Variants in FGF14 observed in about 807,000 individuals in gnomAD.
FGF14 encodes the protein fibroblast growth factor homologous factor 4.
In FGF14, 5 loss-of-function variants were observed where a neutral mutation model predicts 25.5. That is an observed-to-expected ratio of 0.20 (90% CI 0.10 to 0.41). FGF14 has a LOEUF of 0.41. FGF14 is among the 10% of genes least tolerant of loss of function. FGF14 has a pLI of 1.00. For missense variants in FGF14, 222 were observed against 320.1 expected (o/e 0.69, Z 2.34); for synonymous variants, 138 against 118.3 (o/e 1.17, Z -1.08).
chr13:102,253,651 C>T (rs568621675), intron 1 of FGF14, among the ~76,000 whole-genome samples: 3 of 152,204 alleles, frequency 2.0e-5, no homozygotes, highest in African/African-American at 7.2e-5. Flanking sequence ...TTTTGCTGTG[C>T]AGAAGCTCTT....
chr13:102,021,633 C>A (rs1304549628), intron 1 of FGF14, among the ~76,000 whole-genome samples: 1 of 151,950 alleles, frequency 6.6e-6, no homozygotes, highest in Non-Finnish European at 1.5e-5. Context: ...CTGGTTTGCT[C>A]TGGACCAAGC....
intron 1 of FGF14, among the ~76,000 whole-genome samples, chr13:101,935,788 C>G (rs1307647582): frequency 6.6e-6 from 1 of 152,184 alleles, no homozygotes; most frequent in Admixed American, 6.5e-5. Context: ...ACAAAACACA[C>G]AGAGATGTTC....
intron 3 of FGF14, among the ~76,000 whole-genome samples, chr13:101,765,718 T>TTTATTTATTTATTTA (rs2038347205): frequency 3.5e-5 from 5 of 143,320 alleles, no homozygotes; most frequent in African/African-American, 1.4e-4. Flanking sequence ...ATTATTATTA[T>TTTATTTATTTATTTA]TTTATTTATT....
chr13:102,365,028 T>C (rs1270953261), intron 1 of FGF14, among the ~76,000 whole-genome samples: 8 of 152,316 alleles, frequency 5.3e-5, no homozygotes, highest in African/African-American at 1.9e-4. Context: ...GCTCTTGCTA[T>C]TTTTTGTCTT....
At chr13:102,199,914 G>C (rs1183463910) in intron 1 of FGF14, among the ~76,000 whole-genome samples, 1 of 152,076 alleles carries the variant, frequency 6.6e-6, no homozygotes, top group Admixed American at 6.5e-5. Context: ...GCACTTACTA[G>C]GCACATTACA....
At chr13:101,998,726 T>C (rs1194300632) in intron 1 of FGF14, among the ~76,000 whole-genome samples, 1 of 152,206 alleles carries the variant, frequency 6.6e-6, no homozygotes, top group Non-Finnish European at 1.5e-5. Context: ...CATATGATCA[T>C]GATGTAATGG....
intron 3 of FGF14, among the ~76,000 whole-genome samples, chr13:101,825,597 A>G (rs959983725): frequency 1.3e-5 from 2 of 152,212 alleles, no homozygotes; most frequent in Non-Finnish European, 2.9e-5. Flanking sequence ...GCGTTACAGA[A>G]AAGTCCACTC....
chr13:102,028,614 T>C (rs2041053925), intron 1 of FGF14, among the ~76,000 whole-genome samples: 1 of 152,088 alleles, frequency 6.6e-6, no homozygotes, highest in African/African-American at 2.4e-5. Context: ...TAAGTGCTTC[T>C]AGGCACTTAA....
intron 1 of FGF14, among the ~76,000 whole-genome samples, chr13:102,158,125 G>T (rs2047436105): frequency 6.6e-6 from 1 of 152,150 alleles, no homozygotes; most frequent in Non-Finnish European, 1.5e-5. Context: ...ATTCCTCAGG[G>T]ATCTAGAACT....
chr13:102,333,683 A>T (rs1480049689), intron 1 of FGF14, among the ~76,000 whole-genome samples: 1 of 152,232 alleles, frequency 6.6e-6, no homozygotes, highest in Non-Finnish European at 1.5e-5. Context: ...TCATTCAGAA[A>T]GGACGTAAAG....
At chr13:102,358,942 G>A (rs2057490951) in intron 1 of FGF14, among the ~76,000 whole-genome samples, 1 of 152,070 alleles carries the variant, frequency 6.6e-6, no homozygotes, top group African/African-American at 2.4e-5. Context: ...GTGATAAACT[G>A]GATAAAGAAA....
intron 1 of FGF14, among the ~76,000 whole-genome samples, chr13:102,324,343 TA>T (rs1449597517): frequency 6.6e-6 from 1 of 152,184 alleles, no homozygotes; most frequent in East Asian, 1.9e-4. Context: ...TACCATTTAC[TA>T]AGTATGTCCT....
intron 1 of FGF14, among the ~76,000 whole-genome samples, chr13:102,057,405 G>A (rs943211575): frequency 1.2e-4 from 18 of 152,118 alleles, no homozygotes; most frequent in African/African-American, 4.8e-5. Flanking sequence ...TACGTGTATG[G>A]AATATGGTCT....
intron 3 of FGF14, among the ~76,000 whole-genome samples, chr13:101,778,334 C>T (rs2039269198): frequency 1.3e-5 from 2 of 152,178 alleles, no homozygotes; most frequent in African/African-American, 4.8e-5. Context: ...GTACAACCCA[C>T]ACCATGTGAA....
At chr13:102,113,196 G>T (rs2045314578) in intron 1 of FGF14, among the ~76,000 whole-genome samples, 1 of 152,174 alleles carries the variant, frequency 6.6e-6, no homozygotes, top group South Asian at 2.1e-4. Context: ...CAGATAAACT[G>T]AATTGGATTT....
intron 1 of FGF14, among the ~76,000 whole-genome samples, chr13:102,155,120 C>G (rs1004984861): frequency 2.6e-5 from 4 of 152,190 alleles, no homozygotes; most frequent in Admixed American, 1.3e-4. Context: ...AGAAAGTTAA[C>G]AAGGATATCC....
In FGF14 at chr13:101,722,485, A is replaced by G. The variant is rs560690001; in HGVS notation, c.*346T>C. 5 of 352,984 alleles carry G rather than the reference A, an allele frequency of 1.4e-5. No individual in the cohort carries two copies. The East Asian group carries it at 3.4e-4, about 24-fold the overall frequency. The allele number at this position is 352,984 out of a possible 1,614,324, so 21.9% of individuals were successfully genotyped here. A position where few individuals can be genotyped will look rare whatever the true frequency, so the allele number is the denominator to read the frequency against. On this transcript the variant is annotated 3_prime_UTR_variant, in exon 5 of 5. Transcript: ENST00000376143. ...CATAGATTTCGCTGAAACAGGACTCAAAAAGGATTATGGGTAGCTGTCAGC... is the reference window on the plus strand; with the variant it reads ...CATAGATTTCGCTGAAACAGGACTCGAAAAGGATTATGGGTAGCTGTCAGC...
At chr13:102,024,251 G>A (rs1050392434) in intron 1 of FGF14, among the ~76,000 whole-genome samples, 1 of 152,042 alleles carries the variant, frequency 6.6e-6, no homozygotes, top group Non-Finnish European at 1.5e-5. Context: ...AGCAACGCAT[G>A]AGGATTCTAA....
intron 1 of FGF14, among the ~76,000 whole-genome samples, chr13:101,967,408 TA>T (rs1208721279): frequency 6.6e-6 from 1 of 152,236 alleles, no homozygotes; most frequent in East Asian, 1.9e-4. Flanking sequence ...TGTTTTGAGC[TA>T]AATGTGTACC....
Sources: allele counts gnomAD v4.1 joint callset (sites outside exome capture counted in the v4.1 genomes callset), GRCh38; gene constraint gnomAD v4.1.1; transcripts MANE v1.5; gene names NCBI Gene and HGNC (gene_info 2026-07-23, HGNC 2026-07-21).